The following MCF2L2 variants were observed in gnomAD, a reference collection of about 807,000 sequenced individuals.
MCF2L2 encodes the protein MCF.2 cell line derived transforming sequence-like 2, also known as probable guanine nucleotide exchange factor MCF2L2.
Under a neutral mutation model 150.2 loss-of-function variants are expected in MCF2L2, and 102 were observed. The observed-to-expected ratio is 0.68, with a 90% confidence interval of 0.58 to 0.80. The LOEUF (loss-of-function observed/expected upper bound fraction) is 0.80. MCF2L2 is among the 30% of genes least tolerant of loss of function. MCF2L2 has a pLI of 0.00. For missense variants in MCF2L2, 1,256 were observed against 1,372.8 expected, an observed-to-expected ratio of 0.91 and a Z score of 1.34; for synonymous variants, 465 against 491.3, an observed-to-expected ratio of 0.95 and a Z score of 0.71.
At chr3:183,418,969 C>T (rs1309163661) in intron 1 of MCF2L2, among the ~76,000 whole-genome samples, 1 of 152,256 alleles carries the variant, frequency 6.6e-6, no homozygotes, top group African/African-American at 2.4e-5. Flanking sequence ...CTCCACACTG[C>T]CCTAGCAGAG....
chr3:183,400,399 G>A, intron 1 of MCF2L2: 1 of 456,436 alleles, frequency 2.2e-6, no homozygotes, highest in Non-Finnish European at 4.4e-6. Flanking sequence ...ACTAAACGGT[G>A]ATAGGCCCTC....
intron 27 of MCF2L2, chr3:183,182,764 G>C (rs1447677211): frequency 6.6e-6 from 1 of 152,236 alleles, no homozygotes; most frequent in African/African-American, 2.4e-5. Context: ...AGAATTCTCA[G>C]AACCAGAAAA....
intron 7 of MCF2L2, among the ~76,000 whole-genome samples, chr3:183,312,849 GAT>G (rs987570302): frequency 2.6e-5 from 4 of 152,154 alleles, no homozygotes; most frequent in African/African-American, 9.7e-5. Context: ...CCTGGCCCTG[GAT>G]CTGGCTGATG....
At chr3:183,278,037 T>C (rs1727259528) in intron 14 of MCF2L2, among the ~76,000 whole-genome samples, 1 of 150,366 alleles carries the variant, frequency 6.7e-6, no homozygotes, top group Non-Finnish European at 1.5e-5. Flanking sequence ...ATACAAAAAT[T>C]AGCCGGGCAT....
chr3:183,229,625 C>T (rs1122143), intron 17 of MCF2L2, 41 bp downstream of exon 17: 58 of 922,596 alleles, frequency 6.3e-5, no homozygotes, highest in Non-Finnish European at 9.2e-5. Context: ...CCACCCTTCT[C>T]TTACTCTCCA....
intron 14 of MCF2L2, among the ~76,000 whole-genome samples, chr3:183,284,815 G>A (rs1727700105): frequency 6.6e-6 from 1 of 152,132 alleles, no homozygotes; most frequent in Non-Finnish European, 1.5e-5. Context: ...CAGAGCTCTG[G>A]TACACAAGAA....
intron 11 of MCF2L2, 67 bp downstream of exon 11, chr3:183,299,938 G>A (rs778549442): frequency 1.8e-5 from 27 of 1,517,192 alleles, no homozygotes; most frequent in Non-Finnish European, 2.0e-5. Context: ...AAGGGAGGAC[G>A]AGTATGATGG....
At chr3:183,361,764 TTTAC>T (rs1295828884) in intron 3 of MCF2L2, among the ~76,000 whole-genome samples, 1 of 152,230 alleles carries the variant, frequency 6.6e-6, no homozygotes, top group Non-Finnish European at 1.5e-5. Context: ...TGTCTTATTA[TTTAC>T]TATTAAATAC....
chr3:183,375,221 A>G (rs1470202133), intron 3 of MCF2L2: 1 of 152,198 alleles, frequency 6.6e-6, no homozygotes, highest in Non-Finnish European at 1.5e-5. Context: ...CAAGATCCCT[A>G]TATAAGAAAA....
intron 1 of MCF2L2, among the ~76,000 whole-genome samples, chr3:183,416,502 T>C (rs574191659): frequency 6.6e-6 from 1 of 152,274 alleles, no homozygotes; most frequent in African/African-American, 2.4e-5. Flanking sequence ...CAACTTACAA[T>C]GGGGTTATGT....
intron 6 of MCF2L2, among the ~76,000 whole-genome samples, chr3:183,319,308 C>T (rs1729718336): frequency 6.6e-6 from 1 of 152,206 alleles, no homozygotes; most frequent in African/African-American, 2.4e-5. Context: ...TCTTCAGGCT[C>T]CACTTCTAGT....
intron 15 of MCF2L2, among the ~76,000 whole-genome samples, chr3:183,248,134 T>A (rs1724341725): frequency 6.6e-6 from 1 of 152,236 alleles, no homozygotes; most frequent in Non-Finnish European, 1.5e-5. Flanking sequence ...GAGGGTTTAC[T>A]TATTTATTAA....
chr3:183,257,378 G>A (rs1725140112), intron 15 of MCF2L2, among the ~76,000 whole-genome samples: 1 of 152,178 alleles, frequency 6.6e-6, no homozygotes, highest in African/African-American at 2.4e-5. Context: ...TGATAGAAGA[G>A]CTACACCTGA....
At chr3:183,309,966 A>C in intron 9 of MCF2L2, 131 bp from the exon 10 acceptor site, 1 of 1,075,676 alleles carries the variant, frequency 9.3e-7, no homozygotes, top group Non-Finnish European at 1.3e-6. Flanking sequence ...ATATATGTTA[A>C]AAATTTTTTT....
chr3:183,297,775 C>A (rs1376703590), intron 11 of MCF2L2: 1 of 153,760 alleles, frequency 6.5e-6, no homozygotes, highest in African/African-American at 2.4e-5. Flanking sequence ...AATCCTCCCA[C>A]CTCGGCCTCC....
chr3:183,423,139 G>A (rs953171379), intron 1 of MCF2L2, among the ~76,000 whole-genome samples: 4 of 152,118 alleles, frequency 2.6e-5, no homozygotes, highest in Non-Finnish European at 5.9e-5. Flanking sequence ...TCAGATGGGG[G>A]AACATGTCCA....
At chr3:183,352,466 T>G (rs1170863751) in intron 3 of MCF2L2, among the ~76,000 whole-genome samples, 1 of 152,156 alleles carries the variant, frequency 6.6e-6, no homozygotes, top group Non-Finnish European at 1.5e-5. Context: ...GAGGTTGCAG[T>G]GAGCTGGGAT....
At chr3:183,269,178 C>T (rs1726457799) in intron 15 of MCF2L2, among the ~76,000 whole-genome samples, 2 of 142,780 alleles carry the variant, frequency 1.4e-5, no homozygotes, top group South Asian at 4.4e-4. Flanking sequence ...CATGAATGTA[C>T]CTGTTTGTGA....
rs917728651 is a variant in MCF2L2 at position 183,267,892 on chromosome 3, G to A, written c.1862+8980C>T. Among the ~76,000 whole-genome samples the A allele has an allele frequency of 6.6e-6, 1 of 152,304 alleles. No individual in the cohort carries two copies. The highest frequency in any genetic ancestry group is 3.4e-3 in the Middle Eastern group (1 of 294). On this transcript the variant is annotated intron_variant, in intron 15 of 29. Transcript: ENST00000328913. The surrounding 1 kb of genome is among the most constrained non-coding windows in gnomAD (Gnocchi z 5.5). ...TTGAGTAAACAGTGGCTCCACCCCC[G>A]GCATGGTTCTTTGCACCAACATTTG...
Sources: gnomAD v4.1 joint callset for allele counts (sites outside exome capture counted in the v4.1 genomes callset) on GRCh38, gnomAD v4.1.1 for gene constraint, Gnocchi (gnomAD v3.1) non-coding constraint, MANE v1.5 for transcripts, NCBI Gene and HGNC (gene_info 2026-07-23, HGNC 2026-07-21) for gene names.